The following CDH12 variants were observed in gnomAD, a reference collection of about 807,000 sequenced individuals.
CDH12 encodes cadherin-12.
In CDH12, 41 loss-of-function variants were observed where a neutral mutation model predicts 74.1. That is an observed-to-expected ratio of 0.55 (90% confidence interval 0.43 to 0.72). CDH12 has a LOEUF of 0.72. Among genes scored for constraint, CDH12 ranks in the 30% least tolerant of loss-of-function variants. The probability of loss-of-function intolerance (pLI) is 0.00; values close to 1 mark genes in which losing one functional copy is unlikely to be tolerated. For synonymous variants in CDH12, 399 were observed against 355.0 expected (o/e 1.12, Z -1.39); for missense variants, 945 against 977.2 (o/e 0.97, Z 0.44).
chr5:21,881,408 G>A (rs965615691), intron 6 of CDH12, among the ~76,000 whole-genome samples: 2 of 152,110 alleles, frequency 1.3e-5, no homozygotes, highest in Non-Finnish European at 2.9e-5. Flanking sequence ...TGATGACGCG[G>A]GTTGTCTGGA....
intron 4 of CDH12, among the ~76,000 whole-genome samples, chr5:22,197,510 T>G (rs942525541): frequency 6.6e-6 from 1 of 152,002 alleles, no homozygotes; most frequent in Non-Finnish European, 1.5e-5. Context: ...CAAGGTAGAT[T>G]TTGCCAGAGA....
chr5:22,116,820 C>T (rs548231188), intron 4 of CDH12, among the ~76,000 whole-genome samples: 1 of 146,942 alleles, frequency 6.8e-6, no homozygotes, highest in South Asian at 2.2e-4. Context: ...AACACAGTGA[C>T]AGATGCTATC....
intron 1 of CDH12, among the ~76,000 whole-genome samples, chr5:22,513,837 A>T (rs1395432665): frequency 6.6e-6 from 1 of 151,664 alleles, no homozygotes; most frequent in East Asian, 1.9e-4. Context: ...AATCCCAGCT[A>T]CTTAGGAGGT....
chr5:22,592,970 C>A (rs939732552), intron 1 of CDH12, among the ~76,000 whole-genome samples: 5 of 141,718 alleles, frequency 3.5e-5, no homozygotes, highest in Non-Finnish European at 7.5e-5. Flanking sequence ...GCGGAGGTTG[C>A]AATGAGCCGA....
chr5:22,711,458 A>T (rs746060542), intron 1 of CDH12, among the ~76,000 whole-genome samples: 3 of 152,148 alleles, frequency 2.0e-5, no homozygotes, highest in African/African-American at 4.8e-5. Context: ...ACCCAGGCAT[A>T]ACAAAGGGTA....
chr5:21,847,796 A>C (rs1750256856), intron 7 of CDH12, among the ~76,000 whole-genome samples: 1 of 152,086 alleles, frequency 6.6e-6, no homozygotes, highest in East Asian at 1.9e-4. Flanking sequence ...ACTCTTCCTT[A>C]ATATTTCATA....
At position 22,028,464 on chromosome 5, in the gene CDH12, A is replaced by G. The variant is rs140447736; in HGVS notation, c.231+49982T>C. ...AAATCACAAGCATTCTTATACACCA[A>G]TAACGGACAAACAGAGAGCCAAATC... On this transcript the variant is annotated intron_variant, in intron 5 of 14. Coordinates refer to ENST00000382254, the MANE Select transcript of CDH12 (RefSeq NM_004061.5). 6.1e-3 allele frequency among the ~76,000 whole-genome samples: 925 copies of G among 152,284 alleles called. 2 individuals are homozygous for G. Among genetic ancestry groups the G allele is most frequent in the African/African-American group, 0.021 (889 of 41,544 alleles).
intron 6 of CDH12, among the ~76,000 whole-genome samples, chr5:21,889,241 A>C (rs1752785300): frequency 6.6e-6 from 1 of 152,156 alleles, no homozygotes; most frequent in Non-Finnish European, 1.5e-5. Context: ...AATGTTTACT[A>C]TCTTAATTTC....
rs745337195 is a variant in CDH12, at chr5:21,752,036, C to A, written c.2086G>T (p.Asp696Tyr). The part of the protein sequence containing the change: ...ENKIRRDIKP[D>Y]SLCLPRQRPP... Reference sequence around the variant, plus strand: ...CTCTGACGAGGTAAACAGAGAGAGTCTGGTTTTATATCCCTGCGAATTTTG... The same window carrying A: ...CTCTGACGAGGTAAACAGAGAGAGTATGGTTTTATATCCCTGCGAATTTTG... Residue 696 changes from aspartate to tyrosine, a missense_variant, in exon 15 of 15, where the codon GAC becomes TAC. This residue lies in a region of CDH12 where 791 missense variants were observed against 792.8 expected (regional missense o/e 1.00). Coordinates refer to ENST00000382254, the MANE Select transcript of CDH12 (RefSeq NM_004061.5). 1 of 1,614,066 alleles carries A rather than the reference C, an allele frequency of 6.2e-7. No homozygotes were observed. The highest frequency in any genetic ancestry group is 8.5e-7 in the Non-Finnish European group (1 of 1,180,006).
chr5:22,316,017 G>A (rs956853421), intron 3 of CDH12, among the ~76,000 whole-genome samples: 17 of 151,448 alleles, frequency 1.1e-4, no homozygotes, highest in African/African-American at 4.2e-4. Flanking sequence ...CTTCTAAGTA[G>A]GAATAAAAAA....
chr5:22,825,042 A>T (rs1047013001), intron 1 of CDH12, among the ~76,000 whole-genome samples: 1 of 152,076 alleles, frequency 6.6e-6, no homozygotes, highest in Admixed American at 6.6e-5. Context: ...GGGTCACAGA[A>T]TAATTATACA....
intron 1 of CDH12, among the ~76,000 whole-genome samples, chr5:22,620,712 C>G (rs1737929084): frequency 6.6e-6 from 1 of 152,006 alleles, no homozygotes. Flanking sequence ...GAATTAGTGT[C>G]ATATAGACCA....
At chr5:21,938,726 A>G (rs182478436) in intron 6 of CDH12, among the ~76,000 whole-genome samples, 7 of 120,178 alleles carry the variant, frequency 5.8e-5, no homozygotes, top group Non-Finnish European at 9.6e-5. Flanking sequence ...TAATATACAT[A>G]TATATATATA....
chr5:22,303,056 A>G (rs557601023), intron 3 of CDH12, among the ~76,000 whole-genome samples: 38 of 152,274 alleles, frequency 2.5e-4, no homozygotes, highest in African/African-American at 8.9e-4. Flanking sequence ...TAGAGGCAAA[A>G]AAAATGTGGG....
At chr5:22,608,763 A>C (rs1737244256) in intron 1 of CDH12, among the ~76,000 whole-genome samples, 1 of 152,016 alleles carries the variant, frequency 6.6e-6, no homozygotes, top group East Asian at 1.9e-4. Context: ...TTTTCGTGAG[A>C]TCTGATGGTT....
intron 6 of CDH12, among the ~76,000 whole-genome samples, chr5:21,903,621 T>A (rs1323859009): frequency 6.6e-6 from 1 of 152,128 alleles, no homozygotes; most frequent in African/African-American, 2.4e-5. Context: ...GTTAAACCTG[T>A]ACCGGTTTCC....
chr5:22,344,946 A>T (rs190084207), intron 3 of CDH12, among the ~76,000 whole-genome samples: 31 of 152,290 alleles, frequency 2.0e-4, no homozygotes, highest in East Asian at 7.7e-4. Context: ...TCACTTAGAA[A>T]AGTTATTGAA....
chr5:22,623,738 C>T (rs937065028), intron 1 of CDH12, among the ~76,000 whole-genome samples: 1 of 152,120 alleles, frequency 6.6e-6, no homozygotes, highest in Admixed American at 6.5e-5. Flanking sequence ...GGCCATACTG[C>T]CCAAGGTAAT....
At chr5:22,144,181 C>A (rs931079330) in intron 4 of CDH12, 5 of 152,104 alleles carry the variant, frequency 3.3e-5, no homozygotes, top group African/African-American at 1.2e-4. Flanking sequence ...AAATCATTTT[C>A]CCTAGAAATA....
Sources: gnomAD v4.1 joint callset for allele counts (sites outside exome capture counted in the v4.1 genomes callset) on GRCh38, gnomAD v4.1.1 for gene constraint, gnomAD v4.1.1 regional missense constraint, MANE v1.5 for transcripts, NCBI Gene and HGNC (gene_info 2026-07-23, HGNC 2026-07-21) for gene names.